Variants in DST observed in about 807,000 individuals in gnomAD.
DST encodes the protein bullous pemphigoid antigen.
A neutral mutation model predicts 875.2 loss-of-function variants in DST; 253 were observed. The ratio of observed to expected loss-of-function variants is 0.29; its 90% CI spans 0.26 to 0.32. The LOEUF is 0.32. Among genes scored for constraint, DST ranks in the 10% least tolerant of loss-of-function variants. DST has a pLI of 1.00. For missense variants in DST, 8,287 were observed against 9,111.6 expected (o/e 0.91, Z 3.68); for synonymous variants, 3,124 against 3,197.1 (o/e 0.98, Z 0.77).
chr6:56,495,528 CATCT>C (rs1444037469), intron 82 of DST, among the ~76,000 whole-genome samples: 1 of 151,896 alleles, frequency 6.6e-6, no homozygotes, highest in Non-Finnish European at 1.5e-5. Flanking sequence ...TAATCCCAAG[CATCT>C]ATCTGTTCAT....
At position 56,609,037 on chromosome 6, in the gene DST, A is replaced by G; in HGVS notation, c.5591T>C (p.Ile1864Thr). Residue 1864 changes from isoleucine to threonine, a missense_variant, in exon 40 of 104, where the codon ATA becomes ACA. Ile to Thr is a moderately conservative substitution (Grantham distance 89, BLOSUM62 -1). This residue lies in a region of DST where 3,138 missense variants were observed against 3,116.6 expected (regional missense o/e 1.01). Transcript: ENST00000680361. ...PVLDALAQSM[I>T]TESMAIKVLE... ...AACTTTGATGGCCATGGATTCTGTT[A>G]TCATGCTTTGAGCTAGAGCATCCAG... 6.2e-7 allele frequency: 1 copy of G among 1,613,882 alleles called. No individual in the cohort carries two copies. The highest frequency in any genetic ancestry group is 8.5e-7 in the Non-Finnish European group (1 of 1,179,802).
At chr6:56,649,329 T>C (rs1587757354) in intron 12 of DST, among the ~76,000 whole-genome samples, 1 of 152,332 alleles carries the variant, frequency 6.6e-6, no homozygotes, top group East Asian at 1.9e-4. Flanking sequence ...TACTTTAAGA[T>C]ATAATACCTA....
chr6:56,843,011 T>A (rs1234089630), intron 4 of DST: 2 of 1,367,390 alleles, frequency 1.5e-6, no homozygotes, highest in South Asian at 4.3e-5. Flanking sequence ...GTTGCCTCTC[T>A]GATCAGTGCC....
At chr6:56,648,932 T>G (rs1020566921) in intron 12 of DST, among the ~76,000 whole-genome samples, 1 of 152,136 alleles carries the variant, frequency 6.6e-6, no homozygotes, top group African/African-American at 2.4e-5. Context: ...CCAAAGAAAG[T>G]GGCTGCCTGG....
intron 4 of DST, among the ~76,000 whole-genome samples, chr6:56,794,852 G>A (rs571880255): frequency 7.9e-4 from 120 of 152,244 alleles, no homozygotes; most frequent in African/African-American, 2.9e-3. Context: ...ACTCTCTAAG[G>A]AATATGACCA....
At chr6:56,839,725 C>T (rs1434548603) in intron 4 of DST, among the ~76,000 whole-genome samples, 1 of 152,146 alleles carries the variant, frequency 6.6e-6, no homozygotes, top group African/African-American at 2.4e-5. Context: ...TAAACCCGAA[C>T]TGAAAATGAA....
intron 3 of DST, among the ~76,000 whole-genome samples, chr6:56,890,260 C>A (rs956210909): frequency 6.6e-6 from 1 of 152,166 alleles, no homozygotes; most frequent in African/African-American, 2.4e-5. Flanking sequence ...GAGAAGAGTG[C>A]AGAGAACAAT....
intron 4 of DST, among the ~76,000 whole-genome samples, chr6:56,834,270 AC>A (rs908684949): frequency 3.4e-4 from 52 of 152,234 alleles, no homozygotes; most frequent in Admixed American, 3.4e-3. Context: ...CTGAACAGAC[AC>A]CTCACGAAAG....
At position 56,629,415 on chromosome 6, in the gene DST, C is replaced by T; in HGVS notation, c.4310G>A (p.Arg1437Lys). 6.2e-7 allele frequency: 1 copy of T among 1,613,430 alleles called. No homozygotes were observed. Among genetic ancestry groups the T allele is most frequent in the Non-Finnish European group, 8.5e-7 (1 of 1,179,606 alleles). The change falls in exon 32 of 104, where the codon AGA becomes AAA. Residue 1437 changes from arginine (R) to lysine (K), a missense_variant. This residue lies in a region of DST where 3,138 missense variants were observed against 3,116.6 expected (regional missense o/e 1.01). Transcript: ENST00000680361. ...KQWRSEVDEK[R>K]QVFHALEDEL... is the part of the protein sequence containing the mutation. ...ATCCTCTAAGGCATGGAATACCTGT[C>T]TCTTTTCATCTACTTCAGATCTCCA...
intron 84 of DST, 87 bp downstream of exon 84, chr6:56,492,847 G>C (rs913712906): frequency 8.8e-7 from 1 of 1,139,218 alleles, no homozygotes; most frequent in African/African-American, 1.6e-5. Flanking sequence ...AGTCCTGGAC[G>C]ACAGAGGAGT....
intron 59 of DST, among the ~76,000 whole-genome samples, chr6:56,556,713 T>C (rs929303910): frequency 6.6e-6 from 1 of 152,218 alleles, no homozygotes; most frequent in African/African-American, 2.4e-5. Context: ...TATGCCTGAC[T>C]GTAAAACATT....
chr6:56,564,141 C>G (rs779454332), intron 55 of DST, among the ~76,000 whole-genome samples: 34 of 152,194 alleles, frequency 2.2e-4, no homozygotes, highest in Non-Finnish European at 4.4e-4. Context: ...ATGGCGATAG[C>G]ACTGAATCTA....
chr6:56,829,435 T>C (rs1007978215), intron 4 of DST, among the ~76,000 whole-genome samples: 1 of 152,172 alleles, frequency 6.6e-6, no homozygotes, highest in African/African-American at 2.4e-5. Flanking sequence ...TGAATACCAT[T>C]AATAAATAAT....
intron 2 of DST, among the ~76,000 whole-genome samples, chr6:56,952,635 A>C (rs1461022547): frequency 6.6e-6 from 1 of 152,222 alleles, no homozygotes; most frequent in East Asian, 1.9e-4. Flanking sequence ...CTGAATACTT[A>C]TTATGAACTA....
At position 56,873,009 on chromosome 6, in the gene DST, G is replaced by C. The variant is rs535561971; in HGVS notation, c.418-21405C>G. Among the ~76,000 whole-genome samples the C allele has an allele frequency of 3.5e-4, 54 of 152,128 alleles. No homozygotes were observed. The Middle Eastern group carries it at 0.014, about 38-fold the overall frequency. Reference sequence around the variant, plus strand: ...TTTCCCTGAATACCTGCTAGCATCTGTTATTTTCTTTTTGATAACAGACAT... The same window carrying C: ...TTTCCCTGAATACCTGCTAGCATCTCTTATTTTCTTTTTGATAACAGACAT... On this transcript the variant is annotated intron_variant, in intron 3 of 103. Transcript: ENST00000680361.
Position 56,597,826 on chromosome 6 carries a change from C to A in DST, c.12109G>T (p.Val4037Phe), listed in dbSNP as rs1218203736. 1 of 1,613,846 alleles carries A rather than the reference C, an allele frequency of 6.2e-7. No individual in the cohort carries two copies. The highest frequency in any genetic ancestry group is 1.3e-5 in the African/African-American group (1 of 74,928). ...GKSAIGEEDE[V>F]NGNLLETDVD... ...TCAGTCTCCAACAGGTTACCATTAA[C>A]TTCATCCTCTTCTCCAATTGCTGAC... The change falls in exon 47 of 104, where the codon GTT (valine) becomes TTT (phenylalanine). Residue 4037 changes from valine to phenylalanine, a missense_variant. Val to Phe is a conservative substitution (Grantham distance 50). Around this residue, in one of 10 missense-constraint regions of DST, gnomAD observed 1,513 missense variants for 1,677.8 expected, o/e 0.90. Coordinates refer to ENST00000680361, the MANE Select transcript of DST (RefSeq NM_001374736.1).
intron 87 of DST, 74 bp downstream of exon 87, chr6:56,487,030 C>T: frequency 6.9e-7 from 1 of 1,443,786 alleles, no homozygotes; most frequent in Non-Finnish European, 9.5e-7. Context: ...CCCGAAATGT[C>T]CCCGCAAAGC....
chr6:56,907,429 T>C (rs1796901398), intron 2 of DST, among the ~76,000 whole-genome samples: 1 of 152,082 alleles, frequency 6.6e-6, no homozygotes, highest in Non-Finnish European at 1.5e-5. Context: ...GAAATATTAA[T>C]AGCAATAATT....
At chr6:56,503,863 C>G in intron 78 of DST, 134 bp downstream of exon 78, 6 of 564,634 alleles carry the variant, frequency 1.1e-5, no homozygotes, top group Non-Finnish European at 1.8e-5. Flanking sequence ...TGTGAAAGCA[C>G]TATGTACATT....
Sources: gnomAD v4.1 joint callset for allele counts (sites outside exome capture counted in the v4.1 genomes callset) on GRCh38, gnomAD v4.1.1 for gene constraint, gnomAD v4.1.1 regional missense constraint, MANE v1.5 for transcripts, NCBI Gene and HGNC (gene_info 2026-07-23, HGNC 2026-07-21) for gene names.